Variants in TSPAN9 observed in about 807,000 individuals in gnomAD.
The protein encoded by TSPAN9 is tetraspanin 9, also known as tetraspanin-9.
TSPAN9 carries 16 observed loss-of-function variants against 31.0 expected under a neutral mutation model. The observed-to-expected ratio is 0.52, with a 90% confidence interval of 0.35 to 0.78. TSPAN9 has a LOEUF of 0.78. Among genes scored for constraint, TSPAN9 ranks in the 30% least tolerant of loss-of-function variants. The pLI, the probability that TSPAN9 is intolerant of heterozygous loss-of-function variation, is 0.01. For synonymous variants in TSPAN9, 145 were observed against 121.6 expected, an observed-to-expected ratio of 1.19 and a Z score of -1.27; for missense variants, 272 against 312.5, an observed-to-expected ratio of 0.87 and a Z score of 0.98.
intron 2 of TSPAN9, among the ~76,000 whole-genome samples, chr12:3,095,945 A>G (rs1166214303): frequency 1.5e-4 from 23 of 149,430 alleles, no homozygotes; most frequent in African/African-American, 5.2e-4. Context: ...GCGGCCGGGC[A>G]GAGGCTGCAA....
At chr12:3,239,135 AAG>A (rs909565529) in intron 3 of TSPAN9, among the ~76,000 whole-genome samples, 1 of 151,046 alleles carries the variant, frequency 6.6e-6, no homozygotes, top group Admixed American at 6.6e-5. Flanking sequence ...CCTTGTGAAA[AAG>A]AGGGAGAGAG....
chr12:3,102,784 C>T (rs1012763116), intron 2 of TSPAN9, among the ~76,000 whole-genome samples: 1 of 152,248 alleles, frequency 6.6e-6, no homozygotes, highest in East Asian at 1.9e-4. Flanking sequence ...ATGGTGACTA[C>T]AGTAAATAAT....
intron 2 of TSPAN9, among the ~76,000 whole-genome samples, chr12:3,191,231 A>G (rs2098364244): frequency 6.6e-6 from 1 of 152,050 alleles, no homozygotes; most frequent in African/African-American, 2.4e-5. Context: ...GTGGGCAAGC[A>G]CCTGTACAGA....
chr12:3,259,165 C>T (rs1321640200), intron 3 of TSPAN9, among the ~76,000 whole-genome samples: 2 of 152,234 alleles, frequency 1.3e-5, no homozygotes, highest in East Asian at 3.8e-4. Context: ...AAGTCACTTT[C>T]CTGAGTTTGC....
At chr12:3,252,715 A>C (rs533640660) in intron 3 of TSPAN9, among the ~76,000 whole-genome samples, 1 of 152,310 alleles carries the variant, frequency 6.6e-6, no homozygotes, top group South Asian at 2.1e-4. Flanking sequence ...AGAGCATGGG[A>C]TCTTGGCAGG....
At chr12:3,232,464 T>C (rs1486516236) in intron 3 of TSPAN9, among the ~76,000 whole-genome samples, 2 of 152,170 alleles carry the variant, frequency 1.3e-5, no homozygotes, top group Non-Finnish European at 2.9e-5. Flanking sequence ...TCCCCTGCCC[T>C]GATGCTTTCC....
chr12:3,201,662 TTTC>T (rs1273899566), intron 3 of TSPAN9, among the ~76,000 whole-genome samples: 1 of 152,180 alleles, frequency 6.6e-6, no homozygotes, highest in Non-Finnish European at 1.5e-5. Flanking sequence ...TATTTCTGAG[TTTC>T]TTCTTGTATT....
intron 2 of TSPAN9, among the ~76,000 whole-genome samples, chr12:3,185,907 G>A (rs1032514755): frequency 2.6e-5 from 4 of 152,340 alleles, no homozygotes; most frequent in Non-Finnish European, 5.9e-5. Context: ...GGAATGCCTC[G>A]AACCTGACCT....
intron 2 of TSPAN9, among the ~76,000 whole-genome samples, chr12:3,094,608 C>T (rs1240094572): frequency 6.6e-6 from 1 of 150,444 alleles, no homozygotes; most frequent in Non-Finnish European, 1.5e-5. Flanking sequence ...GCAGTCTCGG[C>T]TCACCACAAC....
chr12:3,226,124 A>G (rs4765721), intron 3 of TSPAN9, among the ~76,000 whole-genome samples: 151,394 of 151,940 alleles, frequency 1, 75,427 homozygotes, highest in East Asian at 1. Flanking sequence ...AGGGGACAGG[A>G]TTGCTCTGGC....
chr12:3,096,059 CGCG>C (rs559809178), intron 2 of TSPAN9, among the ~76,000 whole-genome samples: 93 of 152,020 alleles, frequency 6.1e-4, no homozygotes, highest in African/African-American at 2.2e-3. Context: ...GCGCTCCCGG[CGCG>C]GCGGCAAAGA....
intron 2 of TSPAN9, among the ~76,000 whole-genome samples, chr12:3,099,205 A>T (rs76762897): frequency 5.3e-5 from 8 of 151,642 alleles, no homozygotes; most frequent in Non-Finnish European, 8.8e-5. Context: ...TAGGTTGCTG[A>T]TGTTATTTTT....
At chr12:3,104,765 A>T (rs1446714588) in intron 2 of TSPAN9, among the ~76,000 whole-genome samples, 1 of 152,218 alleles carries the variant, frequency 6.6e-6, no homozygotes, top group Non-Finnish European at 1.5e-5. Flanking sequence ...CTTAGCAAGA[A>T]GTTCAGAGAA....
chr12:3,097,042 C>T (rs1164162524), intron 2 of TSPAN9, among the ~76,000 whole-genome samples: 2 of 152,108 alleles, frequency 1.3e-5, no homozygotes, highest in African/African-American at 4.8e-5. Flanking sequence ...AGTTATGCTG[C>T]CTTTCCCAAA....
intron 3 of TSPAN9, among the ~76,000 whole-genome samples, chr12:3,228,930 G>A (rs1433960692): frequency 6.6e-6 from 1 of 152,138 alleles, no homozygotes; most frequent in Non-Finnish European, 1.5e-5. Context: ...TTGGCTTGTG[G>A]CTGCATCACT....
chr12:3,153,529 A>G (rs1002505656), intron 2 of TSPAN9, among the ~76,000 whole-genome samples: 1 of 151,326 alleles, frequency 6.6e-6, no homozygotes, highest in Non-Finnish European at 1.5e-5. Context: ...TAAGCTACAT[A>G]ATCATCACAA....
intron 3 of TSPAN9, among the ~76,000 whole-genome samples, chr12:3,245,522 A>T (rs1265014539): frequency 6.6e-6 from 1 of 152,204 alleles, no homozygotes; most frequent in African/African-American, 2.4e-5. Context: ...TTGATTTGCC[A>T]TATGACCTCG....
intron 2 of TSPAN9, among the ~76,000 whole-genome samples, chr12:3,176,997 C>A (rs1409925444): frequency 6.6e-6 from 1 of 152,050 alleles, no homozygotes; most frequent in Non-Finnish European, 1.5e-5. Flanking sequence ...GCTGGGAGGC[C>A]AGTTAGGAGT....
chr12:3,131,080 A>G (rs896152630), intron 2 of TSPAN9, among the ~76,000 whole-genome samples: 1 of 150,218 alleles, frequency 6.7e-6, no homozygotes, highest in Non-Finnish European at 1.5e-5. Context: ...CACACGCTCT[A>G]CCTGCTGAGA....
Sources: allele counts gnomAD v4.1 joint callset (sites outside exome capture counted in the v4.1 genomes callset), GRCh38; gene constraint gnomAD v4.1.1; transcripts MANE v1.5; gene names NCBI Gene and HGNC (gene_info 2026-07-23, HGNC 2026-07-21).